Variants in CAMTA1 observed in about 807,000 individuals in gnomAD.
The protein encoded by CAMTA1 is calmodulin binding transcription activator 1, also known as calmodulin-binding transcription activator 1.
A neutral mutation model predicts 170.9 loss-of-function variants in CAMTA1; 27 were observed. The observed-to-expected ratio is 0.16, with a 90% confidence interval of 0.12 to 0.22. The LOEUF (loss-of-function observed/expected upper bound fraction) is 0.22. Ranked by LOEUF, CAMTA1 falls within the 10% of genes least tolerant of loss-of-function variation. CAMTA1 has a pLI of 1.00. For synonymous variants in CAMTA1, 833 were observed against 891.5 expected (o/e 0.93, Z 1.17); for missense variants, 1,619 against 2,217.2 (o/e 0.73, Z 5.42).
intron 6 of CAMTA1, among the ~76,000 whole-genome samples, chr1:7,525,929 C>G (rs1460709415): frequency 6.6e-6 from 1 of 152,086 alleles, no homozygotes; most frequent in Non-Finnish European, 1.5e-5. Flanking sequence ...TGGGAGCCCC[C>G]ACCCAGACCT....
intron 3 of CAMTA1, among the ~76,000 whole-genome samples, chr1:6,872,477 CTT>C (rs1353399194): frequency 1.3e-5 from 2 of 152,132 alleles, no homozygotes; most frequent in Non-Finnish European, 2.9e-5. Flanking sequence ...TTTCCCCACT[CTT>C]TTAATATTTT....
Position 7,738,540 on chromosome 1 carries a change from C to A in CAMTA1, c.4182+58C>A. The A allele has an allele frequency of 6.5e-7, 1 of 1,544,124 alleles. No individual in the cohort carries two copies. Among genetic ancestry groups the A allele is most frequent in the Non-Finnish European group, 8.8e-7 (1 of 1,140,122 alleles). ...GCTGGTGCGTTCCAGTTGCTGTGAT[C>A]TTTATGGTCCATTTCCGAAGGTTGT... On this transcript the variant is annotated intron_variant, in intron 16 of 22. Transcript: ENST00000303635. The surrounding 1 kb of genome is among the most constrained non-coding windows in gnomAD (Gnocchi z 4.9).
At chr1:6,806,017 A>G (rs964044462) in intron 1 of CAMTA1, among the ~76,000 whole-genome samples, 1 of 152,076 alleles carries the variant, frequency 6.6e-6, no homozygotes, top group Admixed American at 6.6e-5. Context: ...GTTCTCTGAT[A>G]GATCTTCAGT....
chr1:6,914,530 G>A (rs1003220207), intron 3 of CAMTA1, among the ~76,000 whole-genome samples: 10 of 152,198 alleles, frequency 6.6e-5, no homozygotes, highest in African/African-American at 1.4e-4. Context: ...ATGCACACAC[G>A]GCTATCGGCT....
At chr1:7,703,618 A>G (rs1171516031) in intron 11 of CAMTA1, among the ~76,000 whole-genome samples, 3 of 152,244 alleles carry the variant, frequency 2.0e-5, no homozygotes, top group Admixed American at 2.0e-4. Context: ...TCCGCCCCCA[A>G]TTTCGAGACA....
At chr1:7,473,786 C>T (rs2093373962) in intron 6 of CAMTA1, among the ~76,000 whole-genome samples, 1 of 152,228 alleles carries the variant, frequency 6.6e-6, no homozygotes, top group Non-Finnish European at 1.5e-5. Context: ...CATGGTGGGT[C>T]TGAGATGAGC....
At chr1:6,922,392 TGG>T (rs1341469980) in intron 3 of CAMTA1, among the ~76,000 whole-genome samples, 8 of 83,300 alleles carry the variant, frequency 9.6e-5, no homozygotes, top group Non-Finnish European at 2.1e-4. Context: ...GTTCTGGGGC[TGG>T]CCCAAGCAGC....
chr1:7,254,370 A>T (rs1667060618), intron 5 of CAMTA1, among the ~76,000 whole-genome samples: 1 of 152,158 alleles, frequency 6.6e-6, no homozygotes, highest in South Asian at 2.1e-4. Context: ...ATGCACAGAG[A>T]CAGCCCTGTC....
chr1:7,611,842 C>G (rs950242855), intron 6 of CAMTA1, among the ~76,000 whole-genome samples: 5 of 152,218 alleles, frequency 3.3e-5, no homozygotes, highest in Non-Finnish European at 5.9e-5. Context: ...TGCCAAGCCC[C>G]CTGTCTTGAC....
At chr1:7,233,897 C>CT (rs1210707377) in intron 4 of CAMTA1, among the ~76,000 whole-genome samples, 13 of 152,298 alleles carry the variant, frequency 8.5e-5, no homozygotes, top group African/African-American at 2.9e-4. Context: ...GTCATAACCC[C>CT]TCTGCCCTGG....
intron 11 of CAMTA1, among the ~76,000 whole-genome samples, chr1:7,678,777 C>T (rs2096152003): frequency 6.6e-6 from 1 of 152,200 alleles, no homozygotes; most frequent in South Asian, 2.1e-4. Context: ...GAGCCTGAGC[C>T]CCTTGCAGGG....
chr1:7,697,643 G>C lies in CAMTA1; in HGVS notation c.2914+19910G>C, dbSNP rs79623118. Among the ~76,000 whole-genome samples the C allele has an allele frequency of 8.7e-3, 1,330 of 152,326 alleles. 13 individuals carry two copies. Among genetic ancestry groups the C allele is most frequent in the African/African-American group, 0.029 (1,203 of 41,556 alleles). On this transcript the variant is annotated intron_variant, in intron 11 of 22. Coordinates refer to ENST00000303635, the MANE Select transcript of CAMTA1 (RefSeq NM_015215.4). ...AGTTGCTGGCGGAATGGATGGGCCT[G>C]TGTCAGCCAGCAGGGAGAATGAGTT...
In CAMTA1 at chr1:7,455,848, T is replaced by A. The variant is rs1349893849; in HGVS notation, c.439-11982T>A. The stretch of plus-strand genomic sequence containing the variant: ...TCCAGAATGGCCTCGGGGAGTGGGC[T>A]CCTGGCATCTGCATCTGCTCTCCTC... On this transcript the variant is annotated intron_variant, in intron 5 of 22. Coordinates refer to ENST00000303635, the MANE Select transcript of CAMTA1 (RefSeq NM_015215.4). The surrounding 1 kb of genome is among the most constrained non-coding windows in gnomAD (Gnocchi z 5.0). 6.6e-6 allele frequency among the ~76,000 whole-genome samples: 1 copy of A among 152,216 alleles called. No individual in the cohort carries two copies.
At chr1:7,400,503 G>A (rs1447909700) in intron 5 of CAMTA1, among the ~76,000 whole-genome samples, 1 of 151,908 alleles carries the variant, frequency 6.6e-6, no homozygotes, top group Non-Finnish European at 1.5e-5. Context: ...GTCAGTTAGT[G>A]GAGAGGTATT....
intron 6 of CAMTA1, among the ~76,000 whole-genome samples, chr1:7,489,201 G>GC (rs2093665809): frequency 6.6e-6 from 1 of 152,176 alleles, no homozygotes; most frequent in Non-Finnish European, 1.5e-5. Flanking sequence ...GATGCCTGCC[G>GC]CCCCCTAGAC....
At chr1:7,499,372 T>C (rs1318926350) in intron 6 of CAMTA1, among the ~76,000 whole-genome samples, 8 of 147,328 alleles carry the variant, frequency 5.4e-5, no homozygotes, top group African/African-American at 1.5e-4. Context: ...TGCGTGTGTA[T>C]GTATATGAGT....
chr1:6,985,274 C>T (rs1360431994), intron 3 of CAMTA1, among the ~76,000 whole-genome samples: 1 of 152,230 alleles, frequency 6.6e-6, no homozygotes, highest in African/African-American at 2.4e-5. Flanking sequence ...AAGAGAGCTG[C>T]TCCCTGGGCC....
chr1:7,210,567 A>T (rs1172642723), intron 4 of CAMTA1, among the ~76,000 whole-genome samples: 1 of 152,186 alleles, frequency 6.6e-6, no homozygotes, highest in Non-Finnish European at 1.5e-5. Context: ...ATGGAAAAAT[A>T]GTTTAGGTCT....
Position 7,696,445 on chromosome 1 carries a change from C to T in CAMTA1, c.2914+18712C>T, listed in dbSNP as rs549546932. Among the ~76,000 whole-genome samples the T allele has an allele frequency of 1.1e-4, 17 of 151,312 alleles. No individual in the cohort carries two copies. In the South Asian group the frequency reaches 3.3e-3, roughly 30 times the overall value. ...ACCTGACCTCGTGATCCTCCCTCCT[C>T]AGCCTCCCAAAGTGCTGGGATTACA... On this transcript the variant is annotated intron_variant, in intron 11 of 22. Transcript: ENST00000303635.
Sources: allele counts gnomAD v4.1 joint callset (sites outside exome capture counted in the v4.1 genomes callset), GRCh38; gene constraint gnomAD v4.1.1; non-coding constraint Gnocchi (gnomAD v3.1); transcripts MANE v1.5; gene names NCBI Gene and HGNC (gene_info 2026-07-23, HGNC 2026-07-21).